ALCAM: variants seen among roughly 807,000 people sequenced by gnomAD.
The protein encoded by ALCAM is CD166 antigen.
Under a neutral mutation model 70.9 loss-of-function variants are expected in ALCAM, and 30 were observed. The ratio of observed to expected loss-of-function variants is 0.42; its 90% CI spans 0.32 to 0.57. The LOEUF (loss-of-function observed/expected upper bound fraction) is 0.57, where lower values mean the gene tolerates loss of function less well. ALCAM is among the 20% of genes least tolerant of loss of function. ALCAM has a pLI of 0.11. For synonymous variants in ALCAM, 249 were observed against 242.5 expected, an observed-to-expected ratio of 1.03 and a Z score of -0.25; for missense variants, 591 against 695.1, an observed-to-expected ratio of 0.85 and a Z score of 1.68.
chr3:105,467,691 C>T (rs1164416889), intron 1 of ALCAM, among the ~76,000 whole-genome samples: 2 of 151,148 alleles, frequency 1.3e-5, no homozygotes, highest in Non-Finnish European at 3.0e-5. Flanking sequence ...GTGGTTTCTA[C>T]ATTTTCATGT....
chr3:105,378,467 G>A (rs1359316634), intron 1 of ALCAM, among the ~76,000 whole-genome samples: 1 of 151,754 alleles, frequency 6.6e-6, no homozygotes, highest in Non-Finnish European at 1.5e-5. Flanking sequence ...TGATTTTAAG[G>A]TATAGGTTTT....
At chr3:105,492,910 C>G (rs1938627381) in intron 1 of ALCAM, among the ~76,000 whole-genome samples, 1 of 152,134 alleles carries the variant, frequency 6.6e-6, no homozygotes, top group African/African-American at 2.4e-5. Flanking sequence ...CCATTATAAG[C>G]ATTCTACCTA....
chr3:105,471,954 A>G (rs540256631), intron 1 of ALCAM, among the ~76,000 whole-genome samples: 2 of 151,276 alleles, frequency 1.3e-5, no homozygotes, highest in Non-Finnish European at 3.0e-5. Flanking sequence ...TTCTCTCCCA[A>G]TGACTACCCC....
At chr3:105,567,420 A>C (rs1940768064) in intron 14 of ALCAM, among the ~76,000 whole-genome samples, 1 of 151,884 alleles carries the variant, frequency 6.6e-6, no homozygotes, top group African/African-American at 2.4e-5. Context: ...CAGGCCACTG[A>C]AGATCTGCTC....
At chr3:105,397,953 T>C (rs1935994756) in intron 1 of ALCAM, among the ~76,000 whole-genome samples, 1 of 152,094 alleles carries the variant, frequency 6.6e-6, no homozygotes. Context: ...CTGTGTTAAG[T>C]TGGATGCTAG....
chr3:105,446,610 TACACACACACACACACACACAC>T (rs59828133), intron 1 of ALCAM, among the ~76,000 whole-genome samples: 3 of 144,124 alleles, frequency 2.1e-5, no homozygotes, highest in South Asian at 2.3e-4. Context: ...AAATTTGGTG[TACACACACACACACACACACAC>T]ACACACACAC....
chr3:105,550,283 A>G (rs1940359991), intron 12 of ALCAM, 24 bp downstream of exon 12: 3 of 1,576,594 alleles, frequency 1.9e-6, no homozygotes, highest in Non-Finnish European at 2.6e-6. Context: ...TTCTGGCATT[A>G]CAAAAGTAAG....
chr3:105,471,160 G>A (rs6437592), intron 1 of ALCAM, among the ~76,000 whole-genome samples: 28,260 of 151,288 alleles, frequency 0.19, 2,813 homozygotes, highest in East Asian at 0.37. Flanking sequence ...TAATTTGAAT[G>A]TCACTTGGAA....
At position 105,571,960 on chromosome 3, in the gene ALCAM, T is replaced by G; in HGVS notation, c.*21T>G. 1.3e-6 allele frequency: 2 copies of G among 1,559,494 alleles called. No homozygotes were observed. The highest frequency in any genetic ancestry group is 1.8e-6 in the Non-Finnish European group (2 of 1,132,190). On this transcript the variant is annotated 3_prime_UTR_variant, in exon 15 of 16. Transcript: ENST00000306107. ...CCTAAGAGAGAAACTGTCCTAGTTGTCCAGGTGAGTAGTCTGTACGAGGTT... is the reference window on the plus strand; with the variant it reads ...CCTAAGAGAGAAACTGTCCTAGTTGGCCAGGTGAGTAGTCTGTACGAGGTT...
At chr3:105,492,693 G>A (rs748618387) in intron 1 of ALCAM, among the ~76,000 whole-genome samples, 4 of 152,094 alleles carry the variant, frequency 2.6e-5, no homozygotes, top group African/African-American at 9.7e-5. Flanking sequence ...TAATACATTA[G>A]CAATGTAATG....
rs140224366 is a variant in ALCAM at position 105,503,236 on chromosome 3, T to TA, written c.74-16831_74-16830insA. On this transcript the variant is annotated intron_variant, in intron 1 of 15. Transcript: ENST00000306107. ...GCTTTGGACTCTTCTACTTATTTAG[T>TA]CTCAAGCTTTTCCAAAGAGCTAACA... is the stretch of plus-strand genomic sequence containing the variant. Among the ~76,000 whole-genome samples the TA allele has an allele frequency of 5.1e-3, 783 of 152,340 alleles. 10 individuals are homozygous for TA. Among genetic ancestry groups the TA allele is most frequent in the African/African-American group, 0.018 (756 of 41,572 alleles).
At chr3:105,504,302 G>A (rs1163419233) in intron 1 of ALCAM, among the ~76,000 whole-genome samples, 1 of 152,212 alleles carries the variant, frequency 6.6e-6, no homozygotes, top group Non-Finnish European at 1.5e-5. Context: ...GGCGGCTTGT[G>A]TTAACCAGCT....
At chr3:105,370,946 C>T (rs961542467) in intron 1 of ALCAM, among the ~76,000 whole-genome samples, 1 of 152,146 alleles carries the variant, frequency 6.6e-6, no homozygotes, top group Non-Finnish European at 1.5e-5. Flanking sequence ...TCATATTGTA[C>T]ATCCTAAAGT....
chr3:105,451,192 A>C (rs1937419784), intron 1 of ALCAM, among the ~76,000 whole-genome samples: 2 of 152,118 alleles, frequency 1.3e-5, no homozygotes, highest in South Asian at 4.2e-4. Flanking sequence ...GTAGCTAAGG[A>C]GTTCAAGACC....
At chr3:105,380,296 G>T (rs926947920) in intron 1 of ALCAM, among the ~76,000 whole-genome samples, 2 of 151,634 alleles carry the variant, frequency 1.3e-5, no homozygotes, top group African/African-American at 4.8e-5. Flanking sequence ...TTGTTGGGTT[G>T]ATTTTGTTCA....
At chr3:105,424,093 TA>T (rs1936733843) in intron 1 of ALCAM, among the ~76,000 whole-genome samples, 1 of 151,648 alleles carries the variant, frequency 6.6e-6, no homozygotes, top group Non-Finnish European at 1.5e-5. Context: ...TATTATTTAT[TA>T]GGAATTTACT....
chr3:105,452,114 CA>C (rs1235329025), intron 1 of ALCAM, among the ~76,000 whole-genome samples: 2 of 149,706 alleles, frequency 1.3e-5, no homozygotes, highest in South Asian at 2.1e-4. Context: ...TTTTTTCTTC[CA>C]AAAAAAAGGA....
chr3:105,503,127 G>T (rs751482024), intron 1 of ALCAM, among the ~76,000 whole-genome samples: 1 of 152,148 alleles, frequency 6.6e-6, no homozygotes, highest in Admixed American at 6.5e-5. Flanking sequence ...AAAAGGGCTC[G>T]CGTGTGTTAA....
chr3:105,530,162 G>A (rs1398939590), intron 3 of ALCAM, among the ~76,000 whole-genome samples: 3 of 151,994 alleles, frequency 2.0e-5, no homozygotes, highest in Non-Finnish European at 4.4e-5. Flanking sequence ...TCAGTTTCCA[G>A]AAAACTTTGA....
Sources: gnomAD v4.1 joint callset for allele counts (sites outside exome capture counted in the v4.1 genomes callset) on GRCh38, gnomAD v4.1.1 for gene constraint, MANE v1.5 for transcripts, NCBI Gene and HGNC (gene_info 2026-07-23, HGNC 2026-07-21) for gene names.